DLGAP2: variants seen among roughly 807,000 people sequenced by gnomAD.
The protein encoded by DLGAP2 is DLG associated protein 2.
A neutral mutation model predicts 100.3 loss-of-function variants in DLGAP2; 26 were observed. That is an observed-to-expected ratio of 0.26 (90% CI 0.19 to 0.36). The LOEUF (loss-of-function observed/expected upper bound fraction) is 0.36. Ranked by LOEUF, DLGAP2 falls within the 10% of genes least tolerant of loss-of-function variation. The pLI, the probability that DLGAP2 is intolerant of heterozygous loss-of-function variation, is 1.00. For missense variants in DLGAP2, 1,858 were observed against 1,453.2 expected (o/e 1.28, Z -4.53); for synonymous variants, 886 against 630.1 (o/e 1.41, Z -6.08).
intron 2 of DLGAP2, among the ~76,000 whole-genome samples, chr8:1,009,430 T>C (rs1801213188): frequency 6.6e-6 from 1 of 152,224 alleles, no homozygotes; most frequent in African/African-American, 2.4e-5. Flanking sequence ...GAGAATTAGA[T>C]TGTTATTCAG....
At chr8:771,584 G>A (rs960099133) in intron 1 of DLGAP2, among the ~76,000 whole-genome samples, 5 of 152,206 alleles carry the variant, frequency 3.3e-5, no homozygotes, top group African/African-American at 1.2e-4. Context: ...TTAAAAGGCT[G>A]TCTGTACTAG....
At chr8:1,128,187 C>T (rs1796211719) in intron 2 of DLGAP2, among the ~76,000 whole-genome samples, 1 of 151,742 alleles carries the variant, frequency 6.6e-6, no homozygotes, top group Admixed American at 6.6e-5. Flanking sequence ...GGACCTGCTC[C>T]CCGTGTTGTG....
intron 2 of DLGAP2, among the ~76,000 whole-genome samples, chr8:1,130,355 CA>C (rs1796264154): frequency 6.6e-6 from 1 of 151,690 alleles, no homozygotes; most frequent in African/African-American, 2.4e-5. Context: ...ATTTATTATT[CA>C]AAAAAGTAAT....
chr8:1,179,830 G>C (rs1439197742), intron 2 of DLGAP2, among the ~76,000 whole-genome samples: 1 of 152,192 alleles, frequency 6.6e-6, no homozygotes, highest in Non-Finnish European at 1.5e-5. Flanking sequence ...TATACCCAGT[G>C]ATTGCTAAGA....
At chr8:1,588,566 A>G (rs1354267828) in intron 6 of DLGAP2, among the ~76,000 whole-genome samples, 1 of 152,144 alleles carries the variant, frequency 6.6e-6, no homozygotes, top group Non-Finnish European at 1.5e-5. Context: ...GATAAATAAA[A>G]TAATTGTCAA....
chr8:1,633,727 C>T (rs945579733), intron 8 of DLGAP2, among the ~76,000 whole-genome samples: 2 of 152,174 alleles, frequency 1.3e-5, no homozygotes, highest in Middle Eastern at 3.4e-3. Context: ...CTCGAGGCGC[C>T]GCACATAGAG....
At chr8:906,704 T>C (rs1584880233) in intron 1 of DLGAP2, among the ~76,000 whole-genome samples, 1 of 152,276 alleles carries the variant, frequency 6.6e-6, no homozygotes, top group South Asian at 2.1e-4. Context: ...GCTTAGCGCC[T>C]CCCTGCCCCG....
At chr8:1,498,513 C>T (rs1029414518) in intron 3 of DLGAP2, among the ~76,000 whole-genome samples, 2 of 152,116 alleles carry the variant, frequency 1.3e-5, no homozygotes, top group Non-Finnish European at 1.5e-5. Flanking sequence ...AATGAGACTC[C>T]GTGGTTTGTA....
intron 2 of DLGAP2, among the ~76,000 whole-genome samples, chr8:1,048,234 G>A (rs886440214): frequency 2.0e-5 from 3 of 152,132 alleles, no homozygotes; most frequent in East Asian, 1.9e-4. Flanking sequence ...TGCCCGGCGC[G>A]TGTTCTCATT....
intron 2 of DLGAP2, among the ~76,000 whole-genome samples, chr8:1,182,320 G>A (rs1400476092): frequency 6.6e-6 from 1 of 152,260 alleles, no homozygotes. Context: ...GACTGTGGCA[G>A]TGCTCACACA....
intron 6 of DLGAP2, among the ~76,000 whole-genome samples, chr8:1,575,675 C>G (rs1401192820): frequency 2.3e-5 from 3 of 132,656 alleles, no homozygotes; most frequent in East Asian, 4.5e-4. Context: ...GTGTCCAAGT[C>G]TTCTCATTGT....
chr8:885,971 A>T (rs907965173), intron 1 of DLGAP2, among the ~76,000 whole-genome samples: 1 of 152,192 alleles, frequency 6.6e-6, no homozygotes, highest in Non-Finnish European at 1.5e-5. Flanking sequence ...TTTCAGAAGG[A>T]ATGGTACCAG....
rs1252479379 is a variant in DLGAP2 at position 850,387 on chromosome 8, A to G, written c.19-57525A>G. Reference sequence around the variant, plus strand: ...CTTGAAAGATTTCTGCACTTTGTGCAGAAATTTTATTTCCAATTTACAATG... The same window carrying G: ...CTTGAAAGATTTCTGCACTTTGTGCGGAAATTTTATTTCCAATTTACAATG... On this transcript the variant is annotated intron_variant, in intron 1 of 14. Coordinates refer to ENST00000637795, the MANE Select transcript of DLGAP2 (RefSeq NM_001346810.2). 4.6e-5 allele frequency among the ~76,000 whole-genome samples: 7 copies of G among 152,346 alleles called. No individual in the cohort carries two copies. In the East Asian group the frequency reaches 1.2e-3, roughly 25 times the overall value.
intron 6 of DLGAP2, among the ~76,000 whole-genome samples, chr8:1,583,640 C>T (rs1030040645): frequency 4.6e-5 from 7 of 152,270 alleles, no homozygotes; most frequent in African/African-American, 1.7e-4. Flanking sequence ...GCAGTCCTGA[C>T]GTTTTTGCCT....
At chr8:1,691,480 A>C in intron 12 of DLGAP2, 55 bp from the exon 13 acceptor site, 1 of 1,470,506 alleles carries the variant, frequency 6.8e-7, no homozygotes. Context: ...GCTTTTGTGT[A>C]ATTGACCCAG....
intron 2 of DLGAP2, among the ~76,000 whole-genome samples, chr8:1,246,630 C>G (rs1314952530): frequency 6.6e-6 from 1 of 152,260 alleles, no homozygotes; most frequent in African/African-American, 2.4e-5. Context: ...TTAGTGAAGA[C>G]AATTGCACCT....
chr8:1,199,937 T>TCA (rs1554501687), intron 2 of DLGAP2, among the ~76,000 whole-genome samples: 3 of 150,788 alleles, frequency 2.0e-5, no homozygotes, highest in Non-Finnish European at 3.0e-5. Context: ...GTGGAAGGAT[T>TCA]CCCCCCCACA....
intron 2 of DLGAP2, among the ~76,000 whole-genome samples, chr8:931,235 G>A (rs76850965): frequency 2.0e-5 from 3 of 152,296 alleles, no homozygotes; most frequent in African/African-American, 2.4e-5. Context: ...GAGGAGCAGC[G>A]TGTGCAGCTG....
chr8:1,530,287 C>T (rs1800944706), intron 4 of DLGAP2, among the ~76,000 whole-genome samples: 1 of 152,108 alleles, frequency 6.6e-6, no homozygotes, highest in East Asian at 1.9e-4. Context: ...CAGGGATGTT[C>T]CATGCTGAGA....
Sources: allele counts gnomAD v4.1 joint callset (sites outside exome capture counted in the v4.1 genomes callset), GRCh38; gene constraint gnomAD v4.1.1; transcripts MANE v1.5; gene names NCBI Gene and HGNC (gene_info 2026-07-23, HGNC 2026-07-21).